SEC24D: variants seen among roughly 807,000 people sequenced by gnomAD.
SEC24D encodes the protein SEC24 homolog D, COPII component.
A neutral mutation model predicts 116.9 loss-of-function variants in SEC24D; 69 were observed. That is an observed-to-expected ratio of 0.59 (90% CI 0.49 to 0.72). SEC24D has a LOEUF of 0.72. Ranked by LOEUF, SEC24D falls within the 30% of genes least tolerant of loss-of-function variation. The probability of loss-of-function intolerance (pLI) is 0.00; values close to 1 mark genes in which losing one functional copy is unlikely to be tolerated. For synonymous variants in SEC24D, 405 were observed against 442.8 expected, an observed-to-expected ratio of 0.91 and a Z score of 1.07; for missense variants, 1,131 against 1,264.1, an observed-to-expected ratio of 0.89 and a Z score of 1.60.
rs1252674432 is a variant in SEC24D at position 118,738,330 on chromosome 4, T to C, written c.2427A>G (p.Leu809=). The change falls in exon 19 of 23, where the codon CTA becomes CTG. Residue 809 remains leucine, a synonymous_variant. Transcript: ENST00000280551. ...CCAACATATGGGCAGTCTGATTAAC[T>C]AGAATTTCCCGGATGACCTTCAAAG... ...HQPLKVIREI[L]VNQTAHMLAC... 3 of 1,613,624 alleles carry C rather than the reference T, an allele frequency of 1.9e-6. No homozygotes were observed. Among genetic ancestry groups the C allele is most frequent in the South Asian group, 1.1e-5 (1 of 91,074 alleles).
intron 1 of SEC24D, 145 bp from the exon 2 acceptor site, chr4:118,833,882 A>C: frequency 1.9e-6 from 1 of 517,388 alleles, no homozygotes; most frequent in South Asian, 2.5e-5. Flanking sequence ...TGTATTATAC[A>C]ATATATCATT....
intron 8 of SEC24D, among the ~76,000 whole-genome samples, chr4:118,789,402 G>A (rs1043599043): frequency 2.0e-5 from 3 of 152,184 alleles, no homozygotes; most frequent in Non-Finnish European, 2.9e-5. Context: ...CATCACTGAC[G>A]TAACGTATTG....
chr4:118,742,768 C>A (rs753540482), intron 15 of SEC24D, among the ~76,000 whole-genome samples: 3 of 152,180 alleles, frequency 2.0e-5, no homozygotes, highest in African/African-American at 7.2e-5. Context: ...CCTGCCCAGG[C>A]ACACACATTA....
At chr4:118,814,358 C>T (rs944706881) in intron 6 of SEC24D, among the ~76,000 whole-genome samples, 1 of 152,144 alleles carries the variant, frequency 6.6e-6, no homozygotes, top group African/African-American at 2.4e-5. Flanking sequence ...TGCCTCTTCA[C>T]GCTGGATTTT....
intron 8 of SEC24D, among the ~76,000 whole-genome samples, chr4:118,778,929 T>C (rs969470962): frequency 2.6e-5 from 4 of 152,330 alleles, no homozygotes; most frequent in Admixed American, 6.5e-5. Flanking sequence ...ATAGGAATGC[T>C]TGTGATTTTT....
chr4:118,754,683 T>G (rs1338254486), intron 11 of SEC24D, among the ~76,000 whole-genome samples: 1 of 152,176 alleles, frequency 6.6e-6, no homozygotes, highest in African/African-American at 2.4e-5. Context: ...AGTATACATT[T>G]CTTCCCAACT....
intron 20 of SEC24D, 74 bp downstream of exon 20, chr4:118,732,659 T>A: frequency 7.3e-7 from 1 of 1,365,270 alleles, no homozygotes; most frequent in Non-Finnish European, 1.0e-6. Flanking sequence ...ATTTCAGATA[T>A]AACATACGGG....
At chr4:118,832,889 T>A (rs1578487351) in intron 2 of SEC24D, among the ~76,000 whole-genome samples, 1 of 152,154 alleles carries the variant, frequency 6.6e-6, no homozygotes, top group Admixed American at 6.5e-5. Flanking sequence ...GAGAGGATGG[T>A]CCTGAACAAG....
intron 15 of SEC24D, among the ~76,000 whole-genome samples, chr4:118,742,351 G>A (rs377533886): frequency 1.4e-5 from 2 of 144,374 alleles, no homozygotes; most frequent in South Asian, 2.3e-4. Flanking sequence ...AATGGAAGAT[G>A]ATAAAGTCCT....
intron 13 of SEC24D, among the ~76,000 whole-genome samples, 172 bp from the exon 14 acceptor site, chr4:118,745,232 G>A (rs975922620): frequency 6.6e-6 from 1 of 152,036 alleles, no homozygotes; most frequent in Non-Finnish European, 1.5e-5. Flanking sequence ...CTATTTTACA[G>A]ATTAGAAAAC....
At chr4:118,830,563 T>C (rs116825783) in intron 2 of SEC24D, among the ~76,000 whole-genome samples, 4,267 of 152,210 alleles carry the variant, frequency 0.028, 94 homozygotes, top group Non-Finnish European at 0.046. Flanking sequence ...AATTTAACCA[T>C]TCCACAGTGT....
At chr4:118,820,288 C>G (rs1013074002) in intron 3 of SEC24D, among the ~76,000 whole-genome samples, 1 of 149,992 alleles carries the variant, frequency 6.7e-6, no homozygotes, top group Non-Finnish European at 1.5e-5. Context: ...TCAAGTGATT[C>G]TCCTACCTCA....
chr4:118,768,399 T>TG (rs1430895989), intron 8 of SEC24D, 88 bp from the exon 9 acceptor site: 2 of 1,042,548 alleles, frequency 1.9e-6, no homozygotes, highest in Admixed American at 5.4e-5. Flanking sequence ...TGGCACTTTT[T>TG]TTTTTTTTTT....
At chr4:118,776,304 A>T (rs1312867345) in intron 8 of SEC24D, among the ~76,000 whole-genome samples, 1 of 152,160 alleles carries the variant, frequency 6.6e-6, no homozygotes, top group Non-Finnish European at 1.5e-5. Context: ...AATGGCCAAA[A>T]ATGCTTTAAA....
chr4:118,780,446 T>C (rs1194610036), intron 8 of SEC24D, among the ~76,000 whole-genome samples: 2 of 152,228 alleles, frequency 1.3e-5, no homozygotes, highest in Non-Finnish European at 2.9e-5. Flanking sequence ...TCTAATTTGA[T>C]TGCACTGTGG....
Position 118,738,458 on chromosome 4 carries a change from A to G in SEC24D, c.2378-79T>C, listed in dbSNP as rs73842219. ...TTCAAATAATCAAACAAAAAAGAAC[A>G]AGTTGCTATTATCTTCAGACCACCC... On this transcript the variant is annotated intron_variant, in intron 18 of 22. Coordinates refer to ENST00000280551, the MANE Select transcript of SEC24D (RefSeq NM_014822.4). 2,250 of 991,228 alleles carry G rather than the reference A, an allele frequency of 2.3e-3. 31 individuals carry two copies. The African/African-American group carries it at 0.031, about 14-fold the overall frequency. 61.4% of individuals were successfully genotyped at this position (991,228 alleles called of 1,614,324 possible).
Position 118,739,183 on chromosome 4 carries a change from C to T in SEC24D, c.2343G>A (p.Glu781=). ...SQLADLYKSC[E]TDALINFFAK... Reference sequence around the variant, plus strand: ...CAAAGAAGTTGATAAGAGCATCTGTCTCACAGCTCTTATAAAGATCAGCTA... The same window carrying T: ...CAAAGAAGTTGATAAGAGCATCTGTTTCACAGCTCTTATAAAGATCAGCTA... Residue 781 remains glutamate, a synonymous_variant, in exon 18 of 23, where the codon GAG becomes GAA. Transcript: ENST00000280551. The T allele has an allele frequency of 6.2e-7, 1 of 1,613,486 alleles. No individual in the cohort carries two copies. Among genetic ancestry groups the T allele is most frequent in the East Asian group, 2.2e-5 (1 of 44,858 alleles).
At chr4:118,749,921 TAAAG>T (rs1726738367) in intron 13 of SEC24D, among the ~76,000 whole-genome samples, 1 of 152,242 alleles carries the variant, frequency 6.6e-6, no homozygotes, top group Non-Finnish European at 1.5e-5. Context: ...TTACCTTTTA[TAAAG>T]ATAGTTCATT....
intron 21 of SEC24D, chr4:118,730,860 G>A (rs1025432558): frequency 1.8e-4 from 29 of 161,010 alleles, no homozygotes; most frequent in Admixed American, 1.7e-3. Flanking sequence ...ACATTCTTCT[G>A]AGTATGCAGT....
Sources: gnomAD v4.1 joint callset for allele counts (sites outside exome capture counted in the v4.1 genomes callset) on GRCh38, gnomAD v4.1.1 for gene constraint, MANE v1.5 for transcripts, NCBI Gene and HGNC (gene_info 2026-07-23, HGNC 2026-07-21) for gene names.